The following PGAP1 variants were observed in gnomAD, a reference collection of about 807,000 sequenced individuals.
The protein encoded by PGAP1 is post-GPI attachment to proteins inositol deacylase 1, also known as GPI inositol-deacylase.
PGAP1 carries 76 observed loss-of-function variants against 127.0 expected under a neutral mutation model. The ratio of observed to expected loss-of-function variants is 0.60; its 90% CI spans 0.50 to 0.72. PGAP1 has a LOEUF of 0.72. PGAP1 is among the 30% of genes least tolerant of loss of function. PGAP1 has a pLI of 0.00. For synonymous variants in PGAP1, 362 were observed against 366.5 expected, an observed-to-expected ratio of 0.99 and a Z score of 0.14; for missense variants, 982 against 1,071.3, an observed-to-expected ratio of 0.92 and a Z score of 1.16.
At chr2:196,862,340 T>C (rs1007067825) in intron 20 of PGAP1, among the ~76,000 whole-genome samples, 1 of 152,112 alleles carries the variant, frequency 6.6e-6, no homozygotes, top group African/African-American at 2.4e-5. Flanking sequence ...TAAATTTTGA[T>C]CAGACCAGTT....
intron 1 of PGAP1, among the ~76,000 whole-genome samples, chr2:196,925,653 A>G (rs1476175090): frequency 6.6e-6 from 1 of 152,104 alleles, no homozygotes; most frequent in Non-Finnish European, 1.5e-5. Flanking sequence ...AGGGGTGGAG[A>G]GAGAAGGGTT....
At chr2:196,887,199 A>G (rs1663136065) in intron 10 of PGAP1, among the ~76,000 whole-genome samples, 1 of 152,128 alleles carries the variant, frequency 6.6e-6, no homozygotes, top group Admixed American at 6.5e-5. Flanking sequence ...CCTGGCTAAC[A>G]CGGTGAAACC....
chr2:196,892,202 C>T (rs1702121262), intron 9 of PGAP1, 144 bp downstream of exon 9: 1 of 522,030 alleles, frequency 1.9e-6, no homozygotes, highest in South Asian at 3.5e-5. Flanking sequence ...TGATTACTGA[C>T]TAGATACTTA....
intron 20 of PGAP1, among the ~76,000 whole-genome samples, 198 bp from the exon 21 acceptor site, chr2:196,848,235 T>C (rs557217631): frequency 2.0e-5 from 3 of 152,186 alleles, no homozygotes; most frequent in East Asian, 3.9e-4. Flanking sequence ...ATTCAATCAC[T>C]TGTAAAAACA....
At chr2:196,905,301 A>AT (rs1337480530) in intron 4 of PGAP1, among the ~76,000 whole-genome samples, 1 of 152,168 alleles carries the variant, frequency 6.6e-6, no homozygotes, top group Non-Finnish European at 1.5e-5. Flanking sequence ...TTAGCCTTTA[A>AT]TTTTTTTCCT....
rs1370294433 is a variant in PGAP1, at chr2:196,840,916, C to G, written c.*318G>C. Reference sequence around the variant, plus strand: ...GCAAATAATGCTGCATCTACTAAATCTCTCATATCAGACTTCTCGTACAGT... The same window carrying G: ...GCAAATAATGCTGCATCTACTAAATGTCTCATATCAGACTTCTCGTACAGT... On this transcript the variant is annotated 3_prime_UTR_variant, in exon 27 of 27. Transcript: ENST00000354764. 8 of 205,526 alleles carry G rather than the reference C, an allele frequency of 3.9e-5. No homozygotes were observed. The highest frequency in any genetic ancestry group is 7.7e-5 in the Non-Finnish European group (8 of 103,738). 12.7% of individuals were successfully genotyped at this position (205,526 alleles called of 1,614,324 possible).
At chr2:196,915,263 A>G (rs1702968863) in intron 3 of PGAP1, among the ~76,000 whole-genome samples, 1 of 151,964 alleles carries the variant, frequency 6.6e-6, no homozygotes, top group African/African-American at 2.4e-5. Flanking sequence ...CCCTTAGATC[A>G]CTGCTCTTTC....
At chr2:196,887,559 T>A (rs1251750386) in intron 10 of PGAP1, among the ~76,000 whole-genome samples, 27 of 152,092 alleles carry the variant, frequency 1.8e-4, no homozygotes, top group Admixed American at 1.8e-3. Flanking sequence ...GCTACATAAA[T>A]TTGTCCTTTG....
At chr2:196,923,248 T>C (rs1703264596) in intron 1 of PGAP1, among the ~76,000 whole-genome samples, 1 of 152,168 alleles carries the variant, frequency 6.6e-6, no homozygotes, top group Non-Finnish European at 1.5e-5. Context: ...ATAAATACTG[T>C]TCATGCAATG....
chr2:196,922,613 C>CACA (rs1703238350), intron 1 of PGAP1: 1 of 723,344 alleles, frequency 1.4e-6, no homozygotes, highest in Admixed American at 6.6e-5. Flanking sequence ...CACACACACA[C>CACA]ACAACAAAGC....
chr2:196,897,291 G>T, intron 6 of PGAP1, 94 bp from the exon 7 acceptor site: 1 of 691,876 alleles, frequency 1.4e-6, no homozygotes, highest in Non-Finnish European at 2.3e-6. Flanking sequence ...TGGAACATTT[G>T]AGTTTCCTTT....
In PGAP1 at chr2:196,838,506, G is replaced by C. The variant is rs974415518; in HGVS notation, c.*2728C>G. ...TCTCTGGTAGCCAGCTGGGTTTAAAGTGCATCAAGACTCAATGAAGACCCT... is the reference window on the plus strand; with the variant it reads ...TCTCTGGTAGCCAGCTGGGTTTAAACTGCATCAAGACTCAATGAAGACCCT... On this transcript the variant is annotated 3_prime_UTR_variant, in exon 27 of 27. Coordinates refer to ENST00000354764, the MANE Select transcript of PGAP1 (RefSeq NM_024989.4). 1 of 152,146 alleles carries C rather than the reference G, an allele frequency of 6.6e-6. No homozygotes were observed. The highest frequency in any genetic ancestry group is 2.4e-5 in the African/African-American group (1 of 41,426). 9.4% of individuals were successfully genotyped at this position (152,146 alleles called of 1,614,324 possible). A position where few individuals can be genotyped will look rare whatever the true frequency, so the allele number is the denominator to read the frequency against.
chr2:196,892,338 A>G lies in PGAP1; in HGVS notation c.1089+8T>C. 7.4e-7 allele frequency: 1 copy of G among 1,357,482 alleles called. No individual in the cohort carries two copies. Among genetic ancestry groups the G allele is most frequent in the Non-Finnish European group, 1.0e-6 (1 of 978,204 alleles). The allele number at this position is 1,357,482 out of a possible 1,614,324, so 84.1% of individuals were successfully genotyped here. A position where few individuals can be genotyped will look rare whatever the true frequency, so the allele number is the denominator to read the frequency against. On this transcript the variant is annotated splice_region_variant and intron_variant, in intron 9 of 26. Coordinates refer to ENST00000354764, the MANE Select transcript of PGAP1 (RefSeq NM_024989.4). ...ACATGAAAAAAAATCCATTGGTGGA[A>G]TACTTACGTTGTAAGCTACATAGGT...
Position 196,841,366 on chromosome 2 carries a change from C to T in PGAP1, c.2637G>A (p.Leu879=). Residue 879 remains leucine (L), a synonymous_variant, in exon 27 of 27, where the codon TTG becomes TTA. Coordinates refer to ENST00000354764, the MANE Select transcript of PGAP1 (RefSeq NM_024989.4). ...GTGGAAATTGTGAAGTAGTCTTCAA[C>T]AATTTACTGTAAAGAGACAGAGAAA... ...TYTVSIKSSK[L]LKTTSQFPLP... 1 of 1,612,380 alleles carries T rather than the reference C, an allele frequency of 6.2e-7. No individual in the cohort carries two copies. Among genetic ancestry groups the T allele is most frequent in the Non-Finnish European group, 8.5e-7 (1 of 1,179,034 alleles).
intron 7 of PGAP1, 73 bp downstream of exon 7, chr2:196,897,058 T>C: frequency 1.2e-6 from 1 of 823,416 alleles, no homozygotes; most frequent in Non-Finnish European, 1.9e-6. Context: ...TTACATTAAA[T>C]CCATCATGGC....
At position 196,870,930 on chromosome 2, in the gene PGAP1, ATC is replaced by A. The variant is rs753326725; in HGVS notation, c.1767+9_1767+10del. ...GCAGTAAATAATCAACCAGCCAGGA[ATC>A]TCTCTTACCTGTCCAAGTATTTGTG... On this transcript the variant is annotated intron_variant, in intron 19 of 26. Transcript: ENST00000354764. 9.4e-6 allele frequency: 15 copies of A among 1,601,818 alleles called. No individual in the cohort carries two copies. The Admixed American group carries it at 1.5e-4, about 16-fold the overall frequency.
At chr2:196,872,089 T>A (rs951863626) in intron 18 of PGAP1, among the ~76,000 whole-genome samples, 2 of 152,200 alleles carry the variant, frequency 1.3e-5, no homozygotes, top group African/African-American at 2.4e-5. Context: ...CACCATTAAG[T>A]ATCATGTCAG....
Position 196,837,218 on chromosome 2 carries a change from A to G in PGAP1, c.*4016T>C, listed in dbSNP as rs947778425. The stretch of plus-strand genomic sequence containing the variant: ...TCCTCCATTTCCCAGAGCTTTCAAG[A>G]ACTAAACTGAAAACTGAATTTTACC... On this transcript the variant is annotated 3_prime_UTR_variant, in exon 27 of 27. Transcript: ENST00000354764. 4 of 152,168 alleles carry G rather than the reference A, an allele frequency of 2.6e-5. No homozygotes were observed. The highest frequency in any genetic ancestry group is 9.7e-5 in the African/African-American group (4 of 41,446). 9.4% of individuals were successfully genotyped at this position (152,168 alleles called of 1,614,324 possible).
Position 196,852,551 on chromosome 2 carries a change from TGAGAAAAA to T in PGAP1, c.1862-4522_1862-4515del, listed in dbSNP as rs1371391443. Among the ~76,000 whole-genome samples, 227 of 152,028 alleles carry T rather than the reference TGAGAAAAA, an allele frequency of 1.5e-3. 1 individual carries two copies. Among genetic ancestry groups the T allele is most frequent in the African/African-American group, 5.2e-3 (218 of 41,550 alleles). On this transcript the variant is annotated intron_variant, in intron 20 of 26. Coordinates refer to ENST00000354764, the MANE Select transcript of PGAP1 (RefSeq NM_024989.4). ...TATATCAAAAATAATGTATTATTGA[TGAGAAAAA>T]TTATAAGAAAGGCATACAAATGTGT...
Sources: allele counts gnomAD v4.1 joint callset (sites outside exome capture counted in the v4.1 genomes callset), GRCh38; gene constraint gnomAD v4.1.1; transcripts MANE v1.5; gene names NCBI Gene and HGNC (gene_info 2026-07-23, HGNC 2026-07-21).